The following DNAH7 variants were observed in gnomAD, a reference collection of about 807,000 sequenced individuals.
DNAH7 encodes dynein axonemal heavy chain 7.
In DNAH7, 397 loss-of-function variants were observed where a neutral mutation model predicts 444.6. The ratio of observed to expected loss-of-function variants is 0.89; its 90% CI spans 0.82 to 0.97. The LOEUF is 0.97. Ranked by LOEUF, DNAH7 falls within the 50% of genes least tolerant of loss-of-function variation. The pLI is 0.00. For synonymous variants in DNAH7, 1,636 were observed against 1,624.4 expected, an observed-to-expected ratio of 1.01 and a Z score of -0.17; for missense variants, 4,902 against 4,800.8, an observed-to-expected ratio of 1.02 and a Z score of -0.62.
At chr2:195,883,402 C>G (rs1047577418) in intron 35 of DNAH7, among the ~76,000 whole-genome samples, 1 of 151,684 alleles carries the variant, frequency 6.6e-6, no homozygotes, top group Non-Finnish European at 1.5e-5. Flanking sequence ...GAGCCGAGAT[C>G]GTGCCACTGC....
intron 24 of DNAH7, among the ~76,000 whole-genome samples, chr2:195,914,331 C>T (rs1243983141): frequency 6.6e-6 from 1 of 152,176 alleles, no homozygotes; most frequent in East Asian, 1.9e-4. Context: ...CAGTTACTTG[C>T]TAGATATACA....
At chr2:196,030,714 C>G (rs35993535) in intron 5 of DNAH7, among the ~76,000 whole-genome samples, 25 of 152,294 alleles carry the variant, frequency 1.6e-4, no homozygotes, top group African/African-American at 5.8e-4. Context: ...TCCAGCAGGG[C>G]AGTAAAATTT....
chr2:195,739,546 G>A (rs1197953259), intron 64 of DNAH7, among the ~76,000 whole-genome samples: 6 of 152,184 alleles, frequency 3.9e-5, no homozygotes, highest in African/African-American at 1.4e-4. Context: ...CTGGATAGGT[G>A]CCTAGGAAAT....
intron 17 of DNAH7, among the ~76,000 whole-genome samples, chr2:195,965,336 G>T (rs1389542313): frequency 1.3e-5 from 2 of 152,164 alleles, no homozygotes; most frequent in African/African-American, 4.8e-5. Context: ...CATGATGAAT[G>T]ATGTTTTTAA....
chr2:195,974,002 AG>A (rs1692024079), intron 15 of DNAH7, among the ~76,000 whole-genome samples: 2 of 152,054 alleles, frequency 1.3e-5, no homozygotes, highest in South Asian at 4.1e-4. Context: ...GCTTGAACCC[AG>A]GAGGCAGTGG....
intron 15 of DNAH7, among the ~76,000 whole-genome samples, chr2:195,973,330 G>C (rs1267364043): frequency 1.3e-5 from 2 of 152,200 alleles, no homozygotes; most frequent in African/African-American, 2.4e-5. Context: ...GTCATGGAAT[G>C]AAATTCTTGT....
At chr2:196,043,921 T>C (rs1696931807) in intron 5 of DNAH7, among the ~76,000 whole-genome samples, 1 of 152,164 alleles carries the variant, frequency 6.6e-6, no homozygotes, top group African/African-American at 2.4e-5. Flanking sequence ...TTGGCGTGGA[T>C]GTGTTGAAAA....
intron 5 of DNAH7, among the ~76,000 whole-genome samples, chr2:196,032,713 T>C (rs1696134277): frequency 6.6e-6 from 1 of 152,210 alleles, no homozygotes; most frequent in African/African-American, 2.4e-5. Context: ...ATACCAATTC[T>C]ACACAAATTC....
chr2:195,984,450 C>A (rs773259470), intron 15 of DNAH7, among the ~76,000 whole-genome samples, 182 bp downstream of exon 15: 1 of 152,094 alleles, frequency 6.6e-6, no homozygotes, highest in East Asian at 1.9e-4. Flanking sequence ...CGGGTTCAAC[C>A]GATTCTCCTG....
At position 195,873,540 on chromosome 2, in the gene DNAH7, A is replaced by T. The variant is rs116198228; in HGVS notation, c.6413+28T>A. On this transcript the variant is annotated intron_variant, in intron 39 of 64. Transcript: ENST00000312428. ...CTAAAATATTTTATACCTCCTAATT[A>T]AAAAAAAAACAAATTTTGATTACTT... The T allele has an allele frequency of 6.0e-3, 6,476 of 1,087,878 alleles. 125 individuals are homozygous for T. The East Asian group carries it at 0.063, about 11-fold the overall frequency. The allele number at this position is 1,087,878 out of a possible 1,614,324, so 67.4% of individuals were successfully genotyped here. A position where few individuals can be genotyped will look rare whatever the true frequency, so the allele number is the denominator to read the frequency against.
rs369293839 is a variant in DNAH7 at position 195,808,920 on chromosome 2, C to CATAA, written c.9889-48_9889-45dup. Reference sequence around the variant, plus strand: ...CGTGAAGAGTCAGAAACGAGTTCATCATAAACTAGTAAGCTTACAACCATT... The same window carrying CATAA: ...CGTGAAGAGTCAGAAACGAGTTCATCATAAATAAACTAGTAAGCTTACAACCATT... On this transcript the variant is annotated intron_variant, in intron 52 of 64. Coordinates refer to ENST00000312428, the MANE Select transcript of DNAH7 (RefSeq NM_018897.3). 1.1e-4 allele frequency: 164 copies of CATAA among 1,536,614 alleles called. No homozygotes were observed. In the African/African-American group the frequency reaches 2.1e-3, roughly 20 times the overall value.
chr2:195,834,159 C>CCT (rs749346217), intron 48 of DNAH7, 47 bp downstream of exon 48: 3 of 1,545,970 alleles, frequency 1.9e-6, no homozygotes, highest in Non-Finnish European at 2.6e-6. Flanking sequence ...TTAATTGTGC[C>CCT]CTCTCCAGGC....
intron 47 of DNAH7, among the ~76,000 whole-genome samples, chr2:195,836,359 A>G (rs1227489544): frequency 6.6e-6 from 1 of 152,104 alleles, no homozygotes; most frequent in Non-Finnish European, 1.5e-5. Context: ...TCTACAAAAA[A>G]CAATTAGCAG....
chr2:195,862,602 C>A (rs1178077069), intron 41 of DNAH7, among the ~76,000 whole-genome samples: 2 of 152,146 alleles, frequency 1.3e-5, no homozygotes, highest in South Asian at 2.1e-4. Flanking sequence ...CACTTCCCCC[C>A]ACAGTTCCTG....
intron 63 of DNAH7, among the ~76,000 whole-genome samples, chr2:195,745,530 A>T (rs1440774190): frequency 6.6e-6 from 1 of 152,176 alleles, no homozygotes; most frequent in Non-Finnish European, 1.5e-5. Flanking sequence ...CCTCGAGAAG[A>T]GCAACTCCAA....
chr2:195,788,174 G>A (rs1432113407), intron 57 of DNAH7, among the ~76,000 whole-genome samples: 1 of 152,212 alleles, frequency 6.6e-6, no homozygotes, highest in African/African-American at 2.4e-5. Context: ...CCAGAGAGCT[G>A]TAGGCAATAG....
Position 196,003,135 on chromosome 2 carries a change from G to A in DNAH7, c.990-1277C>T, listed in dbSNP as rs1017213199. Among the ~76,000 whole-genome samples, 9 of 150,424 alleles carry A rather than the reference G, an allele frequency of 6.0e-5. 1 individual carries two copies. The highest frequency in any genetic ancestry group is 6.0e-4 in the Admixed American group (9 of 15,118). ...TTTTCCATTTAAATAATGAAGAAGG[G>A]TTTCATAGTGAAGATGGCAATTTCA... On this transcript the variant is annotated intron_variant, in intron 10 of 64. Coordinates refer to ENST00000312428, the MANE Select transcript of DNAH7 (RefSeq NM_018897.3).
intron 12 of DNAH7, among the ~76,000 whole-genome samples, chr2:195,993,065 A>G (rs1046251019): frequency 7.9e-5 from 12 of 152,160 alleles, no homozygotes; most frequent in Non-Finnish European, 1.3e-4. Context: ...GTGGTCTCCG[A>G]GTGCAGCGTT....
chr2:195,834,851 A>C (rs1698258089), intron 47 of DNAH7, among the ~76,000 whole-genome samples: 1 of 152,246 alleles, frequency 6.6e-6, no homozygotes, highest in Non-Finnish European at 1.5e-5. Context: ...CATTAAAGAA[A>C]TAACGGCCTA....
Sources: gnomAD v4.1 joint callset for allele counts (sites outside exome capture counted in the v4.1 genomes callset) on GRCh38, gnomAD v4.1.1 for gene constraint, MANE v1.5 for transcripts, NCBI Gene and HGNC (gene_info 2026-07-23, HGNC 2026-07-21) for gene names.